CHD9: variants seen among roughly 807,000 people sequenced by gnomAD.
The protein encoded by CHD9 is chromodomain helicase DNA binding protein 9.
In CHD9, 77 loss-of-function variants were observed where a neutral mutation model predicts 316.1. The observed-to-expected ratio is 0.24, with a 90% CI of 0.20 to 0.29. The LOEUF is 0.29. CHD9 is among the 10% of genes least tolerant of loss of function. The probability of loss-of-function intolerance (pLI) is 1.00; values close to 1 mark genes in which losing one functional copy is unlikely to be tolerated. For missense variants in CHD9, 2,763 were observed against 3,438.1 expected (o/e 0.80, Z 4.91); for synonymous variants, 1,129 against 1,158.3 (o/e 0.97, Z 0.51).
chr16:53,231,331 G>T, intron 8 of CHD9, 88 bp from the exon 9 acceptor site: 1 of 685,958 alleles, frequency 1.5e-6, no homozygotes, highest in South Asian at 1.9e-5. Context: ...AACTTACAAG[G>T]TCTATAGTGA....
chr16:53,127,940 C>CAAAAA (rs35806274), intron 1 of CHD9, among the ~76,000 whole-genome samples: 3 of 78,196 alleles, frequency 3.8e-5, no homozygotes, highest in African/African-American at 5.5e-5. Flanking sequence ...GAGACTCTGT[C>CAAAAA]AAAAAAAAAA....
At chr16:53,091,007 CCCCGACTGACCG>C (rs2035892646) in intron 1 of CHD9, among the ~76,000 whole-genome samples, 1 of 151,756 alleles carries the variant, frequency 6.6e-6, no homozygotes, top group Admixed American at 6.6e-5. Flanking sequence ...GCTCACCCCC[CCCCGACTGACCG>C]CGGTGAGGCT....
chr16:53,152,435 C>T (rs980396369), intron 1 of CHD9, among the ~76,000 whole-genome samples: 2 of 152,182 alleles, frequency 1.3e-5, no homozygotes, highest in Admixed American at 6.6e-5. Context: ...ATCACTCTCT[C>T]ATGCTTGGCT....
chr16:53,096,347 T>C (rs8058543), intron 1 of CHD9, among the ~76,000 whole-genome samples: 126,267 of 152,162 alleles, frequency 0.83, 53,179 homozygotes, highest in African/African-American at 0.96. Flanking sequence ...TCATCATTAT[T>C]AAACCAACAA....
At chr16:53,067,312 G>A (rs1411005779) in intron 1 of CHD9, among the ~76,000 whole-genome samples, 4 of 152,012 alleles carry the variant, frequency 2.6e-5, no homozygotes, top group African/African-American at 9.7e-5. Context: ...TATTTGATAT[G>A]GTACATTTGT....
intron 38 of CHD9, among the ~76,000 whole-genome samples, chr16:53,323,439 G>A (rs2057395048): frequency 6.6e-6 from 1 of 152,172 alleles, no homozygotes; most frequent in African/African-American, 2.4e-5. Context: ...TTACATGAAA[G>A]TAGCATAGAT....
intron 17 of CHD9, among the ~76,000 whole-genome samples, chr16:53,251,441 A>T (rs1156316510): frequency 6.6e-6 from 1 of 152,170 alleles, no homozygotes; most frequent in East Asian, 1.9e-4. Flanking sequence ...ATGTAGATCC[A>T]GTTGTTACAG....
At chr16:53,198,047 G>GT (rs2045091913) in intron 2 of CHD9, among the ~76,000 whole-genome samples, 1 of 151,762 alleles carries the variant, frequency 6.6e-6, no homozygotes, top group African/African-American at 2.4e-5. Flanking sequence ...TTTCTCAAGC[G>GT]TATCGACTCT....
intron 8 of CHD9, among the ~76,000 whole-genome samples, chr16:53,229,939 T>C (rs1430778956): frequency 6.6e-6 from 1 of 151,976 alleles, no homozygotes; most frequent in Non-Finnish European, 1.5e-5. Flanking sequence ...AAAAAGAGAG[T>C]GTGTATGTGT....
At chr16:53,089,516 G>A (rs2035757125) in intron 1 of CHD9, among the ~76,000 whole-genome samples, 1 of 152,136 alleles carries the variant, frequency 6.6e-6, no homozygotes, top group Non-Finnish European at 1.5e-5. Flanking sequence ...AGGAGTACAG[G>A]TATTGTCTTC....
At chr16:53,279,488 T>C (rs2053204826) in intron 24 of CHD9, among the ~76,000 whole-genome samples, 2 of 152,178 alleles carry the variant, frequency 1.3e-5, no homozygotes, top group Admixed American at 1.3e-4. Flanking sequence ...TGTGCACATG[T>C]ACCCTAGAAC....
chr16:53,082,145 G>A (rs1014651898), intron 1 of CHD9, among the ~76,000 whole-genome samples: 2 of 152,158 alleles, frequency 1.3e-5, no homozygotes, highest in Admixed American at 1.3e-4. Context: ...TCCAGTGTCT[G>A]GTAAACACTT....
intron 4 of CHD9, among the ~76,000 whole-genome samples, chr16:53,224,465 G>A (rs2047486467): frequency 6.6e-6 from 1 of 152,102 alleles, no homozygotes; most frequent in African/African-American, 2.4e-5. Context: ...AATCTGTTAG[G>A]CAAAGTCTTT....
At chr16:53,126,970 CA>C (rs1426795861) in intron 1 of CHD9, among the ~76,000 whole-genome samples, 1 of 151,490 alleles carries the variant, frequency 6.6e-6, no homozygotes, top group African/African-American at 2.4e-5. Flanking sequence ...TGAGCCACCG[CA>C]CCCAGCCAGG....
At chr16:53,320,170 T>TA (rs1567687259) in intron 37 of CHD9, among the ~76,000 whole-genome samples, 2 of 131,098 alleles carry the variant, frequency 1.5e-5, no homozygotes, top group African/African-American at 2.9e-5. Flanking sequence ...AGTGAGACCT[T>TA]AAAAAAAAGT....
At chr16:53,185,225 G>C (rs907781422) in intron 2 of CHD9, among the ~76,000 whole-genome samples, 2 of 152,210 alleles carry the variant, frequency 1.3e-5, no homozygotes, top group African/African-American at 4.8e-5. Flanking sequence ...ACTTCCTACA[G>C]ACTTGTTGAA....
Position 53,157,304 on chromosome 16 carries a change from C to T in CHD9, c.1215C>T (p.Asp405=). Residue 405 remains aspartate (D), a synonymous_variant, in exon 2 of 39, where the codon GAC becomes GAT. Coordinates refer to ENST00000447540, the MANE Select transcript of CHD9 (RefSeq NM_001308319.2). ...AAACTGAGCCATTCACAGGACTTGA[C>T]CCCGAGGACCTCCTTCAGGAGGGTC... ...ESQTEPFTGL[D]PEDLLQEGLL... 1 of 1,612,258 alleles carries T rather than the reference C, an allele frequency of 6.2e-7. No individual in the cohort carries two copies. Among genetic ancestry groups the T allele is most frequent in the Non-Finnish European group, 8.5e-7 (1 of 1,178,992 alleles).
chr16:53,293,566 T>G (rs1209722623), intron 29 of CHD9, among the ~76,000 whole-genome samples: 1 of 152,044 alleles, frequency 6.6e-6, no homozygotes, highest in Non-Finnish European at 1.5e-5. Flanking sequence ...CAGTGAGATG[T>G]GATTGTACCA....
intron 1 of CHD9, among the ~76,000 whole-genome samples, chr16:53,110,462 A>G (rs1039059983): frequency 1.3e-5 from 2 of 152,168 alleles, no homozygotes; most frequent in African/African-American, 4.8e-5. Context: ...TATTTTAAAA[A>G]GTAATGCTGC....
Sources: allele counts gnomAD v4.1 joint callset (sites outside exome capture counted in the v4.1 genomes callset), GRCh38; gene constraint gnomAD v4.1.1; transcripts MANE v1.5; gene names NCBI Gene and HGNC (gene_info 2026-07-23, HGNC 2026-07-21).